Variants in KCNMB2 observed in about 807,000 individuals in gnomAD.
The protein encoded by KCNMB2 is potassium calcium-activated channel subfamily M regulatory beta subunit 2, also known as calcium-activated potassium channel subunit beta-2.
A neutral mutation model predicts 24.5 loss-of-function variants in KCNMB2; 9 were observed. That is an observed-to-expected ratio of 0.37 (90% CI 0.22 to 0.64). KCNMB2 has a LOEUF of 0.64. Ranked by LOEUF, KCNMB2 falls within the 30% of genes least tolerant of loss-of-function variation. The pLI is 0.63. For synonymous variants in KCNMB2, 109 were observed against 104.4 expected (o/e 1.04, Z -0.27); for missense variants, 226 against 284.3 (o/e 0.79, Z 1.47).
At chr3:178,633,115 C>G (rs138971864) in intron 1 of KCNMB2, among the ~76,000 whole-genome samples, 115 of 152,294 alleles carry the variant, frequency 7.6e-4, no homozygotes, top group African/African-American at 2.6e-3. Context: ...TTGCAGGGTA[C>G]AGCCCCCCCG....
intron 1 of KCNMB2, among the ~76,000 whole-genome samples, chr3:178,588,050 C>T (rs1717522244): frequency 6.6e-6 from 1 of 151,962 alleles, no homozygotes; most frequent in Non-Finnish European, 1.5e-5. Flanking sequence ...TCATCCATGT[C>T]CCTACAAAGG....
chr3:178,729,863 T>C (rs1477398447), intron 1 of KCNMB2, among the ~76,000 whole-genome samples: 1 of 152,202 alleles, frequency 6.6e-6, no homozygotes, highest in African/African-American at 2.4e-5. Flanking sequence ...GCTGCAGTTA[T>C]AAACAAATCG....
chr3:178,802,457 C>T (rs1466725245), intron 1 of KCNMB2, among the ~76,000 whole-genome samples: 1 of 152,234 alleles, frequency 6.6e-6, no homozygotes, highest in Admixed American at 6.5e-5. Context: ...GCAGCTGTCA[C>T]CTTGAGGCCT....
intron 1 of KCNMB2, among the ~76,000 whole-genome samples, chr3:178,667,507 A>G (rs1032916896): frequency 6.6e-6 from 1 of 152,122 alleles, no homozygotes; most frequent in Non-Finnish European, 1.5e-5. Flanking sequence ...TAGACTTCCC[A>G]GCCTCTACAA....
intron 1 of KCNMB2, among the ~76,000 whole-genome samples, chr3:178,780,055 A>T (rs867335051): frequency 0.042 from 3,765 of 90,282 alleles, 145 homozygotes; most frequent in African/African-American, 0.12. Context: ...GTTTTTTTTA[A>T]AAAAAAAAAA....
At chr3:178,770,664 T>C (rs1712312225) in intron 1 of KCNMB2, among the ~76,000 whole-genome samples, 1 of 152,202 alleles carries the variant, frequency 6.6e-6, no homozygotes, top group South Asian at 2.1e-4. Flanking sequence ...AAAAAATATG[T>C]GAAAATGGTG....
chr3:178,831,622 A>T (rs1280303882), intron 4 of KCNMB2, among the ~76,000 whole-genome samples: 1 of 152,212 alleles, frequency 6.6e-6, no homozygotes, highest in Non-Finnish European at 1.5e-5. Context: ...GCTGGAGGTC[A>T]TCATGCTAAG....
chr3:178,780,861 T>C (rs1712802262), intron 1 of KCNMB2, among the ~76,000 whole-genome samples: 1 of 152,196 alleles, frequency 6.6e-6, no homozygotes, highest in Non-Finnish European at 1.5e-5. Flanking sequence ...TAAATAAAAA[T>C]AGTGATTATT....
At chr3:178,664,434 A>G (rs886205512) in intron 1 of KCNMB2, among the ~76,000 whole-genome samples, 3 of 152,106 alleles carry the variant, frequency 2.0e-5, no homozygotes, top group African/African-American at 7.2e-5. Flanking sequence ...TCTAAAGTCA[A>G]ACAACCTGGG....
intron 1 of KCNMB2, among the ~76,000 whole-genome samples, chr3:178,694,174 G>A (rs1000438822): frequency 6.6e-5 from 10 of 152,258 alleles, no homozygotes; most frequent in Non-Finnish European, 1.3e-4. Context: ...AAGAATGAGT[G>A]GACAGTGGAC....
intron 1 of KCNMB2, among the ~76,000 whole-genome samples, chr3:178,606,423 T>C (rs1445430075): frequency 6.6e-6 from 1 of 151,928 alleles, no homozygotes; most frequent in Non-Finnish European, 1.5e-5. Flanking sequence ...AAGTTTCCCT[T>C]GTAGCCTGGA....
intron 1 of KCNMB2, among the ~76,000 whole-genome samples, chr3:178,716,360 T>G (rs1722617344): frequency 6.6e-6 from 1 of 152,046 alleles, no homozygotes; most frequent in Admixed American, 6.6e-5. Flanking sequence ...CCCATTCAAT[T>G]GAGAGAAAAC....
chr3:178,831,264 C>G (rs1041697306), intron 4 of KCNMB2, among the ~76,000 whole-genome samples: 2 of 152,038 alleles, frequency 1.3e-5, no homozygotes, highest in East Asian at 1.9e-4. Context: ...CAAAAAATAA[C>G]AGATAATGGT....
rs555184215 is a variant in KCNMB2 at position 178,676,933 on chromosome 3, G to C, written c.-67-130410G>C. On this transcript the variant is annotated intron_variant, in intron 1 of 4. Coordinates refer to ENST00000452583, the MANE Select transcript of KCNMB2 (RefSeq NM_181361.3). Reference sequence around the variant, plus strand: ...AGGCCTAATCCCCGTGTCAGATGAGGAAATGGAGCCTGGGAGAAGGTGAAC... The same window carrying C: ...AGGCCTAATCCCCGTGTCAGATGAGCAAATGGAGCCTGGGAGAAGGTGAAC... 3.9e-5 allele frequency among the ~76,000 whole-genome samples: 6 copies of C among 152,224 alleles called. No homozygotes were observed. The South Asian group carries it at 1.2e-3, about 32-fold the overall frequency.
chr3:178,736,983 T>C lies in KCNMB2; in HGVS notation c.-67-70360T>C, dbSNP rs76305471. On this transcript the variant is annotated intron_variant, in intron 1 of 4. Coordinates refer to ENST00000452583, the MANE Select transcript of KCNMB2 (RefSeq NM_181361.3). The stretch of plus-strand genomic sequence containing the variant: ...GTTACTAAACTTTGTTACAATAGCA[T>C]TATGGGCCAGACACAGCGGCTCATG... Among the ~76,000 whole-genome samples, 1,015 of 152,254 alleles carry C rather than the reference T, an allele frequency of 6.7e-3. 17 individuals carry two copies. The highest frequency in any genetic ancestry group is 0.023 in the African/African-American group (960 of 41,552).
At chr3:178,585,889 T>G (rs1181800394) in intron 1 of KCNMB2, among the ~76,000 whole-genome samples, 1 of 152,036 alleles carries the variant, frequency 6.6e-6, no homozygotes, top group Non-Finnish European at 1.5e-5. Flanking sequence ...AATTTAGGAG[T>G]GATTCATTCT....
intron 1 of KCNMB2, among the ~76,000 whole-genome samples, chr3:178,730,412 C>CG (rs1491216819): frequency 9.8e-6 from 1 of 101,740 alleles, no homozygotes. Context: ...AACACCCCCC[C>CG]ACACACACAC....
At position 178,578,880 on chromosome 3, in the gene KCNMB2, C is replaced by T. The variant is rs563007573; in HGVS notation, c.-68+42169C>T. Reference sequence around the variant, plus strand: ...AGCAAACAGATTCATAAAGCAAGTTCTTAGAGACCTACAAAGAGACTAAGA... The same window carrying T: ...AGCAAACAGATTCATAAAGCAAGTTTTTAGAGACCTACAAAGAGACTAAGA... On this transcript the variant is annotated intron_variant, in intron 1 of 4. Coordinates refer to ENST00000452583, the MANE Select transcript of KCNMB2 (RefSeq NM_181361.3). Among the ~76,000 whole-genome samples, 12 of 152,252 alleles carry T rather than the reference C, an allele frequency of 7.9e-5. No homozygotes were observed. The South Asian group carries it at 2.5e-3, about 32-fold the overall frequency.
Position 178,787,326 on chromosome 3 carries a change from CA to C in KCNMB2, c.-67-20016del, listed in dbSNP as rs768175377. 3.2e-4 allele frequency among the ~76,000 whole-genome samples: 49 copies of C among 152,220 alleles called. 1 individual carries two copies. Among genetic ancestry groups the C allele is most frequent in the Admixed American group, 2.5e-3 (38 of 15,282 alleles). ...TATCATATATATATTCAGGTATTAA[CA>C]TATATATGTATTAACTCACATATAT... On this transcript the variant is annotated intron_variant, in intron 1 of 4. Transcript: ENST00000452583.
Sources: gnomAD v4.1 joint callset for allele counts (sites outside exome capture counted in the v4.1 genomes callset) on GRCh38, gnomAD v4.1.1 for gene constraint, MANE v1.5 for transcripts, NCBI Gene and HGNC (gene_info 2026-07-23, HGNC 2026-07-21) for gene names.